The following TRABD2B variants were observed in gnomAD, a reference collection of about 807,000 sequenced individuals.
TRABD2B encodes the protein TraB domain containing 2B.
Under a neutral mutation model 40.1 loss-of-function variants are expected in TRABD2B, and 14 were observed. The observed-to-expected ratio is 0.35, with a 90% CI of 0.23 to 0.55. The LOEUF is 0.55. Among genes scored for constraint, TRABD2B ranks in the 20% least tolerant of loss-of-function variants. The probability of loss-of-function intolerance (pLI) is 0.90; values close to 1 mark genes in which losing one functional copy is unlikely to be tolerated. For missense variants in TRABD2B, 541 were observed against 648.6 expected (o/e 0.83, Z 1.80); for synonymous variants, 263 against 277.0 (o/e 0.95, Z 0.50).
chr1:47,918,051 C>T (rs1307102502), intron 2 of TRABD2B, among the ~76,000 whole-genome samples: 2 of 152,220 alleles, frequency 1.3e-5, no homozygotes, highest in African/African-American at 2.4e-5. Flanking sequence ...AGAGGTGCTA[C>T]CTGGATTTAG....
In TRABD2B at chr1:47,942,237, C is replaced by T. The variant is rs74961204; in HGVS notation, c.666+51797G>A. On this transcript the variant is annotated intron_variant, in intron 2 of 6. Transcript: ENST00000606738. ...CCCCAGTACCCCATTCAGGATGTCA[C>T]GTTCTCTACCTATGGGTGAGCAAAA... 7.5e-3 allele frequency among the ~76,000 whole-genome samples: 1,148 copies of T among 152,282 alleles called. 11 individuals carry two copies. Among genetic ancestry groups the T allele is most frequent in the Non-Finnish European group, 0.012 (808 of 68,036 alleles).
chr1:47,776,594 C>T (rs1483713854), intron 5 of TRABD2B, among the ~76,000 whole-genome samples: 1 of 152,172 alleles, frequency 6.6e-6, no homozygotes, highest in African/African-American at 2.4e-5. Context: ...CTCTGTTTTT[C>T]TCCCTTTTAT....
Position 47,762,495 on chromosome 1 carries a change from C to G in TRABD2B, c.*3407G>C. On this transcript the variant is annotated 3_prime_UTR_variant, in exon 7 of 7. Coordinates refer to ENST00000606738, the MANE Select transcript of TRABD2B (RefSeq NM_001194986.2). ...CTTTGGGATCCACTGTGACAATGGCCCTGGGCTGGAGATTAGGCAAGTGGG... is the reference window on the plus strand; with the variant it reads ...CTTTGGGATCCACTGTGACAATGGCGCTGGGCTGGAGATTAGGCAAGTGGG... 1 of 152,154 alleles carries G rather than the reference C, an allele frequency of 6.6e-6. No individual in the cohort carries two copies. Among genetic ancestry groups the G allele is most frequent in the East Asian group, 1.9e-4 (1 of 5,198 alleles). 9.4% of individuals were successfully genotyped at this position (152,154 alleles called of 1,614,324 possible).
chr1:47,984,177 G>C (rs1021069919), intron 2 of TRABD2B, among the ~76,000 whole-genome samples: 2 of 152,226 alleles, frequency 1.3e-5, no homozygotes, highest in South Asian at 4.1e-4. Flanking sequence ...GGAGGGGAAG[G>C]CCTGTCCTTT....
intron 2 of TRABD2B, among the ~76,000 whole-genome samples, chr1:47,845,374 T>C (rs1443674472): frequency 6.6e-6 from 1 of 152,266 alleles, no homozygotes; most frequent in Non-Finnish European, 1.5e-5. Flanking sequence ...GTAATTATTT[T>C]GCTCTTACTA....
At position 47,763,279 on chromosome 1, in the gene TRABD2B, A is replaced by T. The variant is rs1041560965; in HGVS notation, c.*2623T>A. ...GGCCAGCTGGTGGTCCTCAGAGATC[A>T]GTGAACTTTGGCAACAGATGTCTGA... On this transcript the variant is annotated 3_prime_UTR_variant, in exon 7 of 7. Coordinates refer to ENST00000606738, the MANE Select transcript of TRABD2B (RefSeq NM_001194986.2). The T allele has an allele frequency of 1.3e-5, 2 of 152,256 alleles. No homozygotes were observed. The highest frequency in any genetic ancestry group is 2.9e-5 in the Non-Finnish European group (2 of 68,058). The allele number at this position is 152,256 out of a possible 1,614,324, so 9.4% of individuals were successfully genotyped here. A position where few individuals can be genotyped will look rare whatever the true frequency, so the allele number is the denominator to read the frequency against.
chr1:47,785,918 T>A (rs1644589415), intron 4 of TRABD2B, among the ~76,000 whole-genome samples: 1 of 152,172 alleles, frequency 6.6e-6, no homozygotes, highest in African/African-American at 2.4e-5. Context: ...TCTTGGGGTT[T>A]TGCCACAGCG....
chr1:47,821,518 G>A (rs1645110895), intron 2 of TRABD2B, among the ~76,000 whole-genome samples: 2 of 152,222 alleles, frequency 1.3e-5, no homozygotes. Flanking sequence ...CTCCAGGGCG[G>A]GAGTTGCCCT....
chr1:47,769,190 A>AAG (rs1644347363), intron 6 of TRABD2B, among the ~76,000 whole-genome samples: 3 of 151,838 alleles, frequency 2.0e-5, no homozygotes, highest in Non-Finnish European at 4.4e-5. Context: ...AAATAAAAAA[A>AAG]AAGAAACCCA....
chr1:47,911,349 C>A (rs2124706395), intron 2 of TRABD2B, among the ~76,000 whole-genome samples: 1 of 152,312 alleles, frequency 6.6e-6, no homozygotes, highest in South Asian at 2.1e-4. Flanking sequence ...AGACCAGTCT[C>A]CTCAGAAACT....
intron 1 of TRABD2B, among the ~76,000 whole-genome samples, chr1:47,995,079 A>G (rs1646071033): frequency 6.6e-6 from 1 of 152,188 alleles, no homozygotes; most frequent in Non-Finnish European, 1.5e-5. Context: ...AGGAGGACCA[A>G]GAGTCCTGCT....
rs142115071 is a variant in TRABD2B at position 47,792,975 on chromosome 1, G to A, written c.988+1611C>T. On this transcript the variant is annotated intron_variant, in intron 4 of 6. Transcript: ENST00000606738. Reference sequence around the variant, plus strand: ...GGGAGGGCGGAAGAGGCAGCTGGATGGTGAGGGAGTGGGAGGGGACTCTTC... The same window carrying A: ...GGGAGGGCGGAAGAGGCAGCTGGATAGTGAGGGAGTGGGAGGGGACTCTTC... 1.4e-3 allele frequency among the ~76,000 whole-genome samples: 214 copies of A among 152,160 alleles called. 3 individuals carry two copies. In the East Asian group the frequency reaches 0.038, roughly 27 times the overall value.
intron 2 of TRABD2B, among the ~76,000 whole-genome samples, chr1:47,931,824 C>T (rs1645043960): frequency 6.6e-6 from 1 of 152,174 alleles, no homozygotes; most frequent in Admixed American, 6.5e-5. Flanking sequence ...TGTGAAGTCA[C>T]TAAGCCTAGG....
At chr1:47,920,306 G>A (rs974893499) in intron 2 of TRABD2B, among the ~76,000 whole-genome samples, 1 of 152,188 alleles carries the variant, frequency 6.6e-6, no homozygotes, top group African/African-American at 2.4e-5. Context: ...ATTTCTGGAT[G>A]TCCTGTCCCT....
rs1644240095 is a variant in TRABD2B at position 47,761,219 on chromosome 1, T to C, written c.*4683A>G. 1 of 152,232 alleles carries C rather than the reference T, an allele frequency of 6.6e-6. No individual in the cohort carries two copies. The highest frequency in any genetic ancestry group is 2.4e-5 in the African/African-American group (1 of 41,402). 9.4% of individuals were successfully genotyped at this position (152,232 alleles called of 1,614,324 possible). A position where few individuals can be genotyped will look rare whatever the true frequency, so the allele number is the denominator to read the frequency against. ...CAGCAAAGTGAAGGAGTATCCAGAG[T>C]ATCTCCGGAAAGGAAGAGCCCAGCT... On this transcript the variant is annotated 3_prime_UTR_variant, in exon 7 of 7. Coordinates refer to ENST00000606738, the MANE Select transcript of TRABD2B (RefSeq NM_001194986.2).
At chr1:47,979,098 C>T (rs1645803319) in intron 2 of TRABD2B, among the ~76,000 whole-genome samples, 1 of 152,098 alleles carries the variant, frequency 6.6e-6, no homozygotes, top group African/African-American at 2.4e-5. Flanking sequence ...CCTCCCAAAG[C>T]CAAAGCACCC....
At chr1:47,983,765 A>G (rs1036546489) in intron 2 of TRABD2B, among the ~76,000 whole-genome samples, 3 of 152,108 alleles carry the variant, frequency 2.0e-5, no homozygotes, top group African/African-American at 7.2e-5. Context: ...AGAAAAAAAA[A>G]AAAAAAAAGA....
intron 2 of TRABD2B, among the ~76,000 whole-genome samples, chr1:47,871,069 C>T (rs12033901): frequency 0.049 from 7,394 of 152,236 alleles, 319 homozygotes; most frequent in East Asian, 0.15. Flanking sequence ...CCAGACTATT[C>T]TAAGTGCTTT....
chr1:47,968,995 C>T (rs1313531301), intron 2 of TRABD2B, among the ~76,000 whole-genome samples: 9 of 152,170 alleles, frequency 5.9e-5, no homozygotes. Context: ...CCCTGGTAAG[C>T]ATATGCTGAA....
Sources: gnomAD v4.1 joint callset for allele counts (sites outside exome capture counted in the v4.1 genomes callset) on GRCh38, gnomAD v4.1.1 for gene constraint, MANE v1.5 for transcripts, NCBI Gene and HGNC (gene_info 2026-07-23, HGNC 2026-07-21) for gene names.